Variants in CALHM4 observed in about 807,000 individuals in gnomAD.
CALHM4 encodes the protein calcium homeostasis modulator protein 4.
In CALHM4, 16 loss-of-function variants were observed where a neutral mutation model predicts 13.3. That is an observed-to-expected ratio of 1.20 (90% CI 0.81 to 1.82). The LOEUF (loss-of-function observed/expected upper bound fraction) is 1.82. Among genes scored for constraint, CALHM4 ranks in the 40% most tolerant of loss-of-function variants. The pLI is 0.00. For missense variants in CALHM4, 344 were observed against 374.9 expected (o/e 0.92, Z 0.68); for synonymous variants, 127 against 137.1 (o/e 0.93, Z 0.52).
chr6:116,540,592 C>CA, intron 1 of CALHM4: 2 of 883,366 alleles, frequency 2.3e-6, no homozygotes, highest in Non-Finnish European at 3.5e-6. Flanking sequence ...TATGACGAGT[C>CA]AAATGGCTTT....
At position 116,558,056 on chromosome 6, in the gene CALHM4, ATCC is replaced by A; in HGVS notation, c.791_793del (p.Ile264_Arg265delinsSer). The A allele has an allele frequency of 6.2e-7, 1 of 1,614,180 alleles. No individual in the cohort carries two copies. Among genetic ancestry groups the A allele is most frequent in the Non-Finnish European group, 8.5e-7 (1 of 1,180,022 alleles). On this transcript the variant is annotated inframe_deletion, in exon 2 of 2. Transcript: ENST00000368596. Reference sequence around the variant, plus strand: ...TCCCGGGAGTGAAGACGTCAAACACATCCGCATTCCTTCTTGTCAGGACTGGAA... The same window carrying A: ...TCCCGGGAGTGAAGACGTCAAACACAGCATTCCTTCTTGTCAGGACTGGAA...
intron 1 of CALHM4, among the ~76,000 whole-genome samples, chr6:116,556,138 T>A (rs1437609948): frequency 1.3e-5 from 2 of 152,234 alleles, no homozygotes; most frequent in Non-Finnish European, 2.9e-5. Flanking sequence ...TTGCATTTGA[T>A]GAACTTCTTT....
chr6:116,536,736 G>C (rs1773118934), intron 1 of CALHM4, among the ~76,000 whole-genome samples: 1 of 152,166 alleles, frequency 6.6e-6, no homozygotes, highest in Non-Finnish European at 1.5e-5. Flanking sequence ...TGTGTGGTCT[G>C]AGAGGGGAGC....
chr6:116,540,339 T>C, intron 1 of CALHM4: 2 of 1,543,810 alleles, frequency 1.3e-6, no homozygotes, highest in South Asian at 2.4e-5. Flanking sequence ...CAAAACATAT[T>C]GACAGAGATA....
intron 1 of CALHM4, among the ~76,000 whole-genome samples, chr6:116,532,385 A>C (rs775810047): frequency 7.9e-5 from 12 of 152,178 alleles, no homozygotes; most frequent in Non-Finnish European, 1.6e-4. Context: ...TACAGGCGTG[A>C]GCCACCGCGC....
Position 116,557,954 on chromosome 6 carries a change from G to T in CALHM4, c.688G>T (p.Glu230Ter). Residue 230 changes from glutamate (E) to a stop codon, truncating the protein, a stop_gained, in exon 2 of 2, where the codon GAA becomes TAA. Coordinates refer to ENST00000368596, the MANE Select transcript of CALHM4 (RefSeq NM_001366078.2). LOFTEE classifies it high-confidence loss of function. ...GACCAGCCACCTCCAGAATGAGAGA[G>T]AACTCTTTGAACAAGCAGCAGAGCA... Reference protein sequence around the residue: ...YWTSHLQNERELFEQAAEQHS... With the variant: ...YWTSHLQNER 6.2e-7 allele frequency: 1 copy of T among 1,614,178 alleles called. No individual in the cohort carries two copies. Among genetic ancestry groups the T allele is most frequent in the East Asian group, 2.2e-5 (1 of 44,880 alleles).
At position 116,553,932 on chromosome 6, in the gene CALHM4, A is replaced by G; in HGVS notation, c.139A>G (p.Lys47Glu). ...ATTCAGCTGTCCTTGTCAGGTTGGAAAAAATTTCTATTATGGTTCTGCTTT... is the reference window on the plus strand; with the variant it reads ...ATTCAGCTGTCCTTGTCAGGTTGGAGAAAATTTCTATTATGGTTCTGCTTT... ...STFSCPCQVG[K>E]NFYYGSAFLV... Residue 47 changes from lysine to glutamate, a missense_variant, in exon 1 of 2, where the codon AAA (lysine) becomes GAA (glutamate). Coordinates refer to ENST00000368596, the MANE Select transcript of CALHM4 (RefSeq NM_001366078.2). 1 of 1,550,628 alleles carries G rather than the reference A, an allele frequency of 6.4e-7. No homozygotes were observed. Among genetic ancestry groups the G allele is most frequent in the South Asian group, 1.2e-5 (1 of 84,062 alleles).
chr6:116,545,682 A>C (rs1173208640), intron 2 of CALHM4: 3 of 471,510 alleles, frequency 6.4e-6, no homozygotes, highest in African/African-American at 6.0e-5. Context: ...TGAGCTGAAG[A>C]GGGAAAAAAA....
Position 116,553,894 on chromosome 6 carries a change from TCTC to T in CALHM4, c.105_107del (p.Ser37del), listed in dbSNP as rs1284409542. The T allele has an allele frequency of 3.2e-6, 5 of 1,550,532 alleles. No homozygotes were observed. The African/African-American group carries it at 5.5e-5, about 17-fold the overall frequency. On this transcript the variant is annotated inframe_deletion, in exon 1 of 2. Coordinates refer to ENST00000368596, the MANE Select transcript of CALHM4 (RefSeq NM_001366078.2). ...TTGACTATTGGTGGGCAACAACTCT[TCTC>T]CTCTTCTACATTCAGCTGTCCTTGT... is the stretch of plus-strand genomic sequence containing the variant.
At chr6:116,550,966 C>A (rs1774051419), upstream of CALHM4, among the ~76,000 whole-genome samples, 2 of 152,176 alleles carry the variant, frequency 1.3e-5, no homozygotes, top group Admixed American at 1.3e-4. Context: ...TGTTTACCCT[C>A]CCCTAAATAA....
intron 2 of CALHM4, chr6:116,543,905 A>G (rs1335976670): frequency 1.4e-6 from 2 of 1,474,838 alleles, no homozygotes; most frequent in African/African-American, 2.8e-5. Flanking sequence ...TAGAGAAAAA[A>G]GGGGAATGTG....
At chr6:116,544,839 A>G (rs1043933740) in intron 2 of CALHM4, among the ~76,000 whole-genome samples, 3 of 152,148 alleles carry the variant, frequency 2.0e-5, no homozygotes, top group African/African-American at 7.2e-5. Context: ...GTCTCCTGAC[A>G]TAATTAACAG....
intron 1 of CALHM4, among the ~76,000 whole-genome samples, chr6:116,539,264 T>A (rs531585983): frequency 6.6e-6 from 1 of 152,346 alleles, no homozygotes; most frequent in Admixed American, 6.5e-5. Flanking sequence ...CTTACTTATA[T>A]TCTGACAATA....
In CALHM4 at chr6:116,561,057, C is replaced by T. The variant is rs756938003; in HGVS notation, c.*2846C>T. Among the ~76,000 whole-genome samples, 4 of 152,182 alleles carry T rather than the reference C, an allele frequency of 2.6e-5. No individual in the cohort carries two copies. The highest frequency in any genetic ancestry group is 6.5e-5 in the Admixed American group (1 of 15,276). ...CTTCTCTGTGTCTCTTTTCTCTGTT[C>T]TCAGTCTTCCATTCATTTTTTGTAG... On this transcript the variant is annotated 3_prime_UTR_variant, in exon 2 of 2. Transcript: ENST00000368596.
intron 1 of CALHM4, among the ~76,000 whole-genome samples, chr6:116,557,325 A>G (rs1286089208): frequency 6.6e-6 from 1 of 152,206 alleles, no homozygotes; most frequent in Non-Finnish European, 1.5e-5. Flanking sequence ...AGTGCAATTC[A>G]GGAAAAAATA....
intron 1 of CALHM4, among the ~76,000 whole-genome samples, chr6:116,539,184 T>A (rs549662886): frequency 6.6e-6 from 1 of 152,344 alleles, no homozygotes; most frequent in Admixed American, 6.5e-5. Context: ...GGTATTCTTG[T>A]AGTATTGCCT....
At chr6:116,551,243 T>C (rs1331738255), upstream of CALHM4, among the ~76,000 whole-genome samples, 16 of 152,154 alleles carry the variant, frequency 1.1e-4, no homozygotes, top group Non-Finnish European at 1.8e-4. Flanking sequence ...TAAATTAAAA[T>C]TCCGTGGCAC....
At chr6:116,553,405 G>C (rs1277582524), upstream of CALHM4, among the ~76,000 whole-genome samples, 2 of 152,242 alleles carry the variant, frequency 1.3e-5, no homozygotes, top group Non-Finnish European at 2.9e-5. Flanking sequence ...TTCTAGTCTA[G>C]TACAAGGTTA....
chr6:116,536,378 G>A (rs184866618), intron 1 of CALHM4, among the ~76,000 whole-genome samples: 1 of 152,252 alleles, frequency 6.6e-6, no homozygotes, highest in Admixed American at 6.5e-5. Flanking sequence ...GAGGCCTAAT[G>A]ACAGACCGAC....
Sources: allele counts gnomAD v4.1 joint callset (sites outside exome capture counted in the v4.1 genomes callset), GRCh38; gene constraint gnomAD v4.1.1; transcripts MANE v1.5; gene names NCBI Gene and HGNC (gene_info 2026-07-23, HGNC 2026-07-21).